Variants in DSE observed in about 807,000 individuals in gnomAD.
The protein encoded by DSE is dermatan sulfate epimerase.
A neutral mutation model predicts 84.4 loss-of-function variants in DSE; 36 were observed. That is an observed-to-expected ratio of 0.43 (90% CI 0.33 to 0.56). DSE has a LOEUF of 0.56. DSE is among the 20% of genes least tolerant of loss of function. The pLI, the probability that DSE is intolerant of heterozygous loss-of-function variation, is 0.06. For synonymous variants in DSE, 410 were observed against 430.1 expected (o/e 0.95, Z 0.58); for missense variants, 862 against 1,169.6 (o/e 0.74, Z 3.84).
At chr6:116,380,812 G>A (rs1047730023) in intron 1 of DSE, among the ~76,000 whole-genome samples, 3 of 152,136 alleles carry the variant, frequency 2.0e-5, no homozygotes, top group Non-Finnish European at 4.4e-5. Flanking sequence ...AAGATAACAT[G>A]TATATTCACA....
At chr6:116,340,087 CAG>C (rs1196414679) in intron 2 of DSE, among the ~76,000 whole-genome samples, 1 of 152,206 alleles carries the variant, frequency 6.6e-6, no homozygotes, top group Non-Finnish European at 1.5e-5. Context: ...TACAGAATCA[CAG>C]AGAGCCAGAG....
chr6:116,433,820 AGT>A (rs761044390), intron 5 of DSE, among the ~76,000 whole-genome samples: 1 of 152,204 alleles, frequency 6.6e-6, no homozygotes. Flanking sequence ...CCTAATAGGT[AGT>A]GTTAGAAACA....
At position 116,438,166 on chromosome 6, in the gene DSE, T is replaced by A. The variant is rs1481926484; in HGVS notation, c.*821T>A. 6.6e-6 allele frequency: 1 copy of A among 152,574 alleles called. No homozygotes were observed. Among genetic ancestry groups the A allele is most frequent in the Non-Finnish European group, 1.5e-5 (1 of 67,980 alleles). 9.5% of individuals were successfully genotyped at this position (152,574 alleles called of 1,614,324 possible). ...AGAAAATATTTTCTATTATGAATGT[T>A]GATTTTCATACCAAAGAAGATGGAG... is the stretch of plus-strand genomic sequence containing the variant. On this transcript the variant is annotated 3_prime_UTR_variant, in exon 6 of 6. Coordinates refer to ENST00000644252, the MANE Select transcript of DSE (RefSeq NM_013352.4).
chr6:116,295,451 A>C (rs926125918), intron 2 of DSE, among the ~76,000 whole-genome samples: 6 of 152,178 alleles, frequency 3.9e-5, no homozygotes, highest in African/African-American at 9.7e-5. Context: ...TTCCTTCCAA[A>C]CATTTTTTAA....
chr6:116,358,786 A>G (rs1778723505), intron 2 of DSE, among the ~76,000 whole-genome samples: 1 of 152,194 alleles, frequency 6.6e-6, no homozygotes, highest in Non-Finnish European at 1.5e-5. Context: ...AATTTAATCA[A>G]AGTTGGCTCT....
At chr6:116,318,797 T>G (rs1693475303) in intron 2 of DSE, among the ~76,000 whole-genome samples, 1 of 152,208 alleles carries the variant, frequency 6.6e-6, no homozygotes, top group Non-Finnish European at 1.5e-5. Context: ...GTGAATTAAA[T>G]CAGCTTCTTT....
intron 2 of DSE, among the ~76,000 whole-genome samples, chr6:116,403,758 T>C (rs1781746663): frequency 6.6e-6 from 1 of 152,216 alleles, no homozygotes; most frequent in African/African-American, 2.4e-5. Flanking sequence ...CTGACTACTC[T>C]CTTGGCCCAA....
chr6:116,295,032 G>C (rs1417058392), intron 2 of DSE, among the ~76,000 whole-genome samples: 1 of 152,084 alleles, frequency 6.6e-6, no homozygotes, highest in East Asian at 1.9e-4. Flanking sequence ...GTGGGGTGGA[G>C]GGTGATTTGG....
chr6:116,293,295 C>T (rs28676888), intron 2 of DSE, among the ~76,000 whole-genome samples: 2,476 of 145,392 alleles, frequency 0.017, 66 homozygotes, highest in African/African-American at 0.06. Context: ...TTTTTTGACA[C>T]GGAGTCTTGC....
At chr6:116,381,284 C>T (rs999215587) in intron 1 of DSE, among the ~76,000 whole-genome samples, 6 of 151,966 alleles carry the variant, frequency 3.9e-5, no homozygotes, top group African/African-American at 1.5e-4. Context: ...GAGTCATGCT[C>T]AAGCAATGAT....
Position 116,433,658 on chromosome 6 carries a change from A to T in DSE, c.1118+108A>T, listed in dbSNP as rs1311861657. On this transcript the variant is annotated intron_variant, in intron 5 of 5. Transcript: ENST00000644252. Reference sequence around the variant, plus strand: ...AAAGAAAAACTAAAACACTTTTTAAATCTTTTCTCCATGCCACCTGAGTAT... The same window carrying T: ...AAAGAAAAACTAAAACACTTTTTAATTCTTTTCTCCATGCCACCTGAGTAT... 5.1e-6 allele frequency: 6 copies of T among 1,179,490 alleles called. No individual in the cohort carries two copies. In the African/African-American group the frequency reaches 7.7e-5, roughly 15 times the overall value. The allele number at this position is 1,179,490 out of a possible 1,614,324, so 73.1% of individuals were successfully genotyped here.
chr6:116,276,026 T>C (rs1562195674), intron 2 of DSE, among the ~76,000 whole-genome samples: 1 of 152,208 alleles, frequency 6.6e-6, no homozygotes, highest in African/African-American at 2.4e-5. Context: ...TTCTTACTCT[T>C]TTTCTCTATT....
chr6:116,390,562 TA>T (rs1428796099), intron 1 of DSE, among the ~76,000 whole-genome samples: 3 of 152,182 alleles, frequency 2.0e-5, no homozygotes, highest in Non-Finnish European at 4.4e-5. Context: ...TGCTCAATAT[TA>T]ACTTCTGAAA....
chr6:116,400,974 C>T (rs1781554272), intron 2 of DSE: 1 of 152,040 alleles, frequency 6.6e-6, no homozygotes, highest in Non-Finnish European at 1.5e-5. Context: ...TAGAAGGGTA[C>T]TTTAAAGTCC....
At chr6:116,287,740 G>A (rs1037900554) in intron 2 of DSE, among the ~76,000 whole-genome samples, 2 of 152,036 alleles carry the variant, frequency 1.3e-5, no homozygotes, top group African/African-American at 2.4e-5. Context: ...CCTAATAAAA[G>A]TAGCAACTCT....
rs144916710 is a variant in DSE, at chr6:116,303,060, C to T, written c.-54+44093C>T. Among the ~76,000 whole-genome samples the T allele has an allele frequency of 7.9e-3, 1,207 of 152,178 alleles. 23 individuals carry two copies. The highest frequency in any genetic ancestry group is 0.052 in the South Asian group (249 of 4,808). ...CAGCATTCTTTTATCTCATCCAATTCGTCCAATGTGCTCTCTCTTTCTCTT... is the reference window on the plus strand; with the variant it reads ...CAGCATTCTTTTATCTCATCCAATTTGTCCAATGTGCTCTCTCTTTCTCTT... On this transcript the variant is annotated intron_variant, in intron 2 of 3. Transcript: ENST00000430252.
At chr6:116,353,371 T>C (rs1024480434) in intron 2 of DSE, among the ~76,000 whole-genome samples, 1 of 152,208 alleles carries the variant, frequency 6.6e-6, no homozygotes, top group Non-Finnish European at 1.5e-5. Context: ...ATATTTTCCT[T>C]TGTAGTATTC....
chr6:116,406,166 C>G (rs1781916740), intron 2 of DSE, among the ~76,000 whole-genome samples: 2 of 152,184 alleles, frequency 1.3e-5, no homozygotes, highest in South Asian at 4.1e-4. Flanking sequence ...CACTTGCTCG[C>G]CTACCTCCCG....
rs777950323 is a variant in DSE, at chr6:116,399,277, C to A, written c.27C>A (p.Pro9=). 50 of 1,613,992 alleles carry A rather than the reference C, an allele frequency of 3.1e-5. No homozygotes were observed. The East Asian group carries it at 7.8e-4, about 25-fold the overall frequency. Residue 9 remains proline, a synonymous_variant, in exon 2 of 6, where the codon CCC becomes CCA. Transcript: ENST00000644252. The part of the protein sequence containing the change: MRTHTRGA[P]SVFFIYLLCF... The stretch of plus-strand genomic sequence containing the variant: ...TGAGGACTCACACACGGGGGGCTCC[C>A]AGTGTGTTTTTCATATATTTGCTTT...
Sources: gnomAD v4.1 joint callset for allele counts (sites outside exome capture counted in the v4.1 genomes callset) on GRCh38, gnomAD v4.1.1 for gene constraint, MANE v1.5 for transcripts, NCBI Gene and HGNC (gene_info 2026-07-23, HGNC 2026-07-21) for gene names.